The following LSAMP variants were observed in gnomAD, a reference collection of about 807,000 sequenced individuals.
LSAMP encodes limbic system-associated membrane protein.
LSAMP carries 7 observed loss-of-function variants against 38.6 expected under a neutral mutation model. That is an observed-to-expected ratio of 0.18 (90% CI 0.10 to 0.34). LSAMP has a LOEUF of 0.34. Ranked by LOEUF, LSAMP falls within the 10% of genes least tolerant of loss-of-function variation. The pLI, the probability that LSAMP is intolerant of heterozygous loss-of-function variation, is 1.00. For synonymous variants in LSAMP, 154 were observed against 166.8 expected (o/e 0.92, Z 0.59); for missense variants, 313 against 420.0 (o/e 0.75, Z 2.23).
intron 1 of LSAMP, among the ~76,000 whole-genome samples, chr3:116,119,801 T>C (rs1275120556): frequency 6.6e-6 from 1 of 151,848 alleles, no homozygotes; most frequent in African/African-American, 2.4e-5. Context: ...GCTGGGATTG[T>C]AGATGTGTGC....
chr3:116,428,590 T>C (rs930182073), intron 1 of LSAMP, among the ~76,000 whole-genome samples: 13 of 152,214 alleles, frequency 8.5e-5, no homozygotes, highest in African/African-American at 3.1e-4. Context: ...ATGTTTGAGA[T>C]ATGTAATGTC....
At chr3:115,882,921 A>G (rs371351362) in intron 3 of LSAMP, among the ~76,000 whole-genome samples, 4 of 152,186 alleles carry the variant, frequency 2.6e-5, no homozygotes, top group South Asian at 4.1e-4. Context: ...TTGTATCCTT[A>G]TGCTCAGGTT....
At chr3:115,826,138 A>G (rs1457907051) in intron 6 of LSAMP, among the ~76,000 whole-genome samples, 3 of 129,134 alleles carry the variant, frequency 2.3e-5, no homozygotes, top group Admixed American at 2.1e-4. Context: ...TATTTGAGAC[A>G]GAGTCTCGAT....
Position 116,173,218 on chromosome 3 carries a change from C to CA in LSAMP, c.156-86663dup, listed in dbSNP as rs1039742122. ...CAATAAATGTTGGATGAATAAGTGA[C>CA]AAAAAAGGAGGCAGGTTAGCTGTCC... On this transcript the variant is annotated intron_variant, in intron 1 of 6. Transcript: ENST00000490035. 3.4e-4 allele frequency among the ~76,000 whole-genome samples: 52 copies of CA among 151,950 alleles called. 2 individuals carry two copies. Among genetic ancestry groups the CA allele is most frequent in the African/African-American group, 1.2e-3 (51 of 41,404 alleles).
intron 1 of LSAMP, among the ~76,000 whole-genome samples, chr3:116,444,152 C>G (rs1045787600): frequency 1.3e-5 from 2 of 152,176 alleles, no homozygotes; most frequent in African/African-American, 4.8e-5. Context: ...GTGTTTAACA[C>G]TCCTACTCTT....
intron 1 of LSAMP, among the ~76,000 whole-genome samples, chr3:116,349,253 T>TA (rs1347643556): frequency 6.6e-5 from 10 of 151,958 alleles, no homozygotes; most frequent in African/African-American, 1.9e-4. Context: ...TTTCTCAATT[T>TA]AAAAAATGAA....
At chr3:116,169,704 CA>C (rs1363546417) in intron 1 of LSAMP, among the ~76,000 whole-genome samples, 1 of 152,200 alleles carries the variant, frequency 6.6e-6, no homozygotes, top group African/African-American at 2.4e-5. Flanking sequence ...CCTCCAAAGA[CA>C]ACCTTATTTT....
chr3:115,891,484 A>G (rs901371520), intron 3 of LSAMP, among the ~76,000 whole-genome samples: 2 of 152,046 alleles, frequency 1.3e-5, no homozygotes, highest in African/African-American at 4.8e-5. Context: ...CTCACAACAT[A>G]TGAGTGATCT....
intron 3 of LSAMP, among the ~76,000 whole-genome samples, chr3:115,894,314 A>G (rs1478838602): frequency 2.6e-5 from 4 of 152,006 alleles, no homozygotes; most frequent in African/African-American, 7.2e-5. Flanking sequence ...TCCTTCTATT[A>G]GCATTTTTGT....
chr3:116,308,537 A>C (rs1450956765), intron 1 of LSAMP, among the ~76,000 whole-genome samples: 1 of 152,060 alleles, frequency 6.6e-6, no homozygotes, highest in African/African-American at 2.4e-5. Context: ...TGACTTCCAA[A>C]GGTTCAGGTC....
rs530975842 is a variant in LSAMP at position 116,308,584 on chromosome 3, T to C, written c.155+136293A>G. On this transcript the variant is annotated intron_variant, in intron 1 of 6. Coordinates refer to ENST00000490035, the MANE Select transcript of LSAMP (RefSeq NM_002338.5). ...CTGGAGGAACAATATTTCCAGTCTATATTTCATGACTCCAAATTCTCAAGA... is the reference window on the plus strand; with the variant it reads ...CTGGAGGAACAATATTTCCAGTCTACATTTCATGACTCCAAATTCTCAAGA... Among the ~76,000 whole-genome samples the C allele has an allele frequency of 6.4e-5, 8 of 124,728 alleles. No homozygotes were observed. In the East Asian group the frequency reaches 1.7e-3, roughly 27 times the overall value. The allele number at this position is 124,728 out of a possible 152,430, so 81.8% of individuals were successfully genotyped here. A position where few individuals can be genotyped will look rare whatever the true frequency, so the allele number is the denominator to read the frequency against.
chr3:115,827,133 G>T (rs1304489039), intron 6 of LSAMP, among the ~76,000 whole-genome samples: 1 of 152,036 alleles, frequency 6.6e-6, no homozygotes, highest in Non-Finnish European at 1.5e-5. Flanking sequence ...GCTTTGTTTT[G>T]TTTCTAGCTA....
intron 3 of LSAMP, among the ~76,000 whole-genome samples, chr3:115,899,813 C>T (rs1409278305): frequency 1.3e-5 from 2 of 152,206 alleles, no homozygotes; most frequent in East Asian, 1.9e-4. Flanking sequence ...TGCTTACTGT[C>T]GACAACAGAA....
rs1282777978 is a variant in LSAMP, at chr3:116,174,173, G to T, written c.156-87617C>A. Among the ~76,000 whole-genome samples the T allele has an allele frequency of 3.3e-5, 5 of 152,020 alleles. No homozygotes were observed. In the East Asian group the frequency reaches 9.7e-4, roughly 29 times the overall value. ...TATAGCTGCAGTATGAGCTGCCACTGCAATTAGTTCTTATAAACTTCCCAA... is the reference window on the plus strand; with the variant it reads ...TATAGCTGCAGTATGAGCTGCCACTTCAATTAGTTCTTATAAACTTCCCAA... On this transcript the variant is annotated intron_variant, in intron 1 of 6. Coordinates refer to ENST00000490035, the MANE Select transcript of LSAMP (RefSeq NM_002338.5).
At chr3:115,960,295 A>G (rs1174566095) in intron 3 of LSAMP, among the ~76,000 whole-genome samples, 1 of 152,222 alleles carries the variant, frequency 6.6e-6, no homozygotes, top group Non-Finnish European at 1.5e-5. Flanking sequence ...CCTACAAGCC[A>G]AGGGAAGAGG....
intron 3 of LSAMP, among the ~76,000 whole-genome samples, chr3:116,019,213 T>TGATA (rs950344500): frequency 4.0e-5 from 6 of 151,414 alleles, no homozygotes; most frequent in South Asian, 2.1e-4. Flanking sequence ...ATAGATCTCT[T>TGATA]GATAGATAGA....
intron 3 of LSAMP, among the ~76,000 whole-genome samples, chr3:115,976,223 C>G (rs1025410395): frequency 1.3e-5 from 2 of 152,128 alleles, no homozygotes; most frequent in East Asian, 3.9e-4. Flanking sequence ...TAAGTGCAAA[C>G]TTATACTTTC....
intron 1 of LSAMP, among the ~76,000 whole-genome samples, chr3:116,394,854 T>C (rs2048747908): frequency 1.3e-5 from 2 of 152,176 alleles, no homozygotes; most frequent in South Asian, 4.1e-4. Flanking sequence ...CATCTTTCCT[T>C]GATTATTAGC....
chr3:116,017,101 C>A (rs148279512), intron 3 of LSAMP, among the ~76,000 whole-genome samples: 1 of 152,188 alleles, frequency 6.6e-6, no homozygotes, highest in East Asian at 1.9e-4. Context: ...GTCACATGTT[C>A]ATTATCATGG....
Sources: allele counts gnomAD v4.1 joint callset (sites outside exome capture counted in the v4.1 genomes callset), GRCh38; gene constraint gnomAD v4.1.1; transcripts MANE v1.5; gene names NCBI Gene and HGNC (gene_info 2026-07-23, HGNC 2026-07-21).